Variants in CSRP1 observed in about 807,000 individuals in gnomAD.
CSRP1 encodes the protein cysteine and glycine-rich protein 1.
A neutral mutation model predicts 25.4 loss-of-function variants in CSRP1; 16 were observed. That is an observed-to-expected ratio of 0.63 (90% CI 0.43 to 0.96). The LOEUF is 0.96. CSRP1 is among the 40% of genes least tolerant of loss of function. The pLI is 0.00. For missense variants in CSRP1, 212 were observed against 243.6 expected (o/e 0.87, Z 0.86); for synonymous variants, 97 against 95.3 (o/e 1.02, Z -0.10).
intron 1 of CSRP1, among the ~76,000 whole-genome samples, chr1:201,504,240 C>G (rs1664748426): frequency 6.6e-6 from 1 of 152,350 alleles, no homozygotes; most frequent in East Asian, 1.9e-4. Flanking sequence ...AAGTTTCTTA[C>G]TACCTCTGAG....
At chr1:201,494,835 T>C (rs1664456840) in intron 2 of CSRP1, among the ~76,000 whole-genome samples, 1 of 152,224 alleles carries the variant, frequency 6.6e-6, no homozygotes, top group South Asian at 2.1e-4. Flanking sequence ...TGCGTGTGTG[T>C]GTGTGCGTGT....
intron 1 of CSRP1, among the ~76,000 whole-genome samples, chr1:201,497,483 C>A (rs967678823): frequency 6.6e-6 from 1 of 151,080 alleles, no homozygotes; most frequent in African/African-American, 2.4e-5. Flanking sequence ...TGAATTATAA[C>A]CTCTGAGAAT....
intron 2 of CSRP1, among the ~76,000 whole-genome samples, chr1:201,494,352 G>T (rs1415177696): frequency 6.6e-6 from 1 of 152,120 alleles, no homozygotes; most frequent in Non-Finnish European, 1.5e-5. Context: ...CAGCAGCCTA[G>T]ACCCCCTTCC....
At chr1:201,491,901 C>T (rs1664351343) in intron 2 of CSRP1, 2 of 152,288 alleles carry the variant, frequency 1.3e-5, no homozygotes, top group South Asian at 2.1e-4. Context: ...ATCCCTCTGC[C>T]AGCTCCTCTC....
intron 3 of CSRP1, 43 bp from the exon 4 acceptor site, chr1:201,489,027 G>C: frequency 6.2e-7 from 1 of 1,609,760 alleles, no homozygotes; most frequent in Non-Finnish European, 8.5e-7. Flanking sequence ...TACACTGTAA[G>C]TACAGGTGGG....
intron 1 of CSRP1, among the ~76,000 whole-genome samples, chr1:201,499,460 G>C (rs1310153337): frequency 6.6e-6 from 1 of 152,120 alleles, no homozygotes; most frequent in Non-Finnish European, 1.5e-5. Flanking sequence ...TGCTTGGGAA[G>C]CTCTTGTGAA....
intron 1 of CSRP1, among the ~76,000 whole-genome samples, chr1:201,502,028 T>TAAATAAAG (rs1553232871): frequency 7.8e-4 from 109 of 139,842 alleles, no homozygotes; most frequent in African/African-American, 2.7e-3. Flanking sequence ...AATAAATAAA[T>TAAATAAAG]AAAGTCTGGC....
intron 3 of CSRP1, 61 bp from the exon 4 acceptor site, chr1:201,489,045 C>A (rs2102405167): frequency 6.2e-7 from 1 of 1,602,452 alleles, no homozygotes; most frequent in African/African-American, 1.3e-5. Context: ...GGGGCTGGCA[C>A]TGAGAGGGCA....
chr1:201,487,125 CT>C (rs1395876865), intron 4 of CSRP1: 2 of 610,474 alleles, frequency 3.3e-6, no homozygotes, highest in African/African-American at 2.0e-5. Context: ...TTAAAACTGC[CT>C]TGTTGTTGGG....
chr1:201,499,933 T>C (rs1297074785), intron 1 of CSRP1, among the ~76,000 whole-genome samples: 2 of 152,170 alleles, frequency 1.3e-5, no homozygotes, highest in African/African-American at 4.8e-5. Context: ...CATCATCTCA[T>C]TTCATCCTCA....
intron 3 of CSRP1, chr1:201,489,874 A>G (rs1664274012): frequency 3.9e-6 from 1 of 258,474 alleles, no homozygotes; most frequent in African/African-American, 2.2e-5. Context: ...CCTTTCAAAA[A>G]AAAACAAAAA....
At chr1:201,490,110 A>G in intron 3 of CSRP1, 66 bp downstream of exon 3, 1 of 1,506,556 alleles carries the variant, frequency 6.6e-7, no homozygotes, top group Non-Finnish European at 9.0e-7. Context: ...GTAAATACAC[A>G]TGAGGCCTAA....
chr1:201,484,026 G>C lies in CSRP1; in HGVS notation c.*687C>G. 1 of 697,830 alleles carries C rather than the reference G, an allele frequency of 1.4e-6. No homozygotes were observed. Among genetic ancestry groups the C allele is most frequent in the East Asian group, 2.7e-5 (1 of 37,074 alleles). The allele number at this position is 697,830 out of a possible 1,614,324, so 43.2% of individuals were successfully genotyped here. Reference sequence around the variant, plus strand: ...CCATCAAGCAGGGAACTAGATGTTTGAGAAGATCAAACAACATCCTGACTT... The same window carrying C: ...CCATCAAGCAGGGAACTAGATGTTTCAGAAGATCAAACAACATCCTGACTT... On this transcript the variant is annotated 3_prime_UTR_variant, in exon 6 of 6. Transcript: ENST00000340006.
intron 2 of CSRP1, chr1:201,492,718 C>G (rs1229246799): frequency 2.0e-5 from 3 of 152,232 alleles, no homozygotes; most frequent in Non-Finnish European, 4.4e-5. Context: ...AAAACCGAGG[C>G]CCACAAAACA....
chr1:201,505,898 A>C (rs1342343882), intron 1 of CSRP1, among the ~76,000 whole-genome samples: 1 of 152,176 alleles, frequency 6.6e-6, no homozygotes, highest in Non-Finnish European at 1.5e-5. Context: ...AGAGGGAGAC[A>C]ACCAGCACCT....
At chr1:201,496,616 CT>C in intron 1 of CSRP1, 2 of 390,636 alleles carry the variant, frequency 5.1e-6, no homozygotes. Context: ...AAGGCTCCAG[CT>C]GCAATAAAAA....
intron 1 of CSRP1, among the ~76,000 whole-genome samples, chr1:201,499,206 C>G (rs1209080784): frequency 1.3e-5 from 2 of 152,204 alleles, no homozygotes; most frequent in East Asian, 3.9e-4. Flanking sequence ...GACAGTTAGA[C>G]AGGAACAGCA....
chr1:201,502,028 T>TAAATAAATAAATAAAG (rs1553232871), intron 1 of CSRP1, among the ~76,000 whole-genome samples: 2 of 139,842 alleles, frequency 1.4e-5, no homozygotes, highest in African/African-American at 5.1e-5. Context: ...AATAAATAAA[T>TAAATAAATAAATAAAG]AAAGTCTGGC....
intron 1 of CSRP1, 66 bp downstream of exon 1, chr1:201,507,004 G>C (rs1664846322): frequency 6.6e-6 from 1 of 152,226 alleles, no homozygotes; most frequent in Non-Finnish European, 1.5e-5. Context: ...AGACCGGGAG[G>C]CGCTGAGTGC....
Sources: gnomAD v4.1 joint callset for allele counts (sites outside exome capture counted in the v4.1 genomes callset) on GRCh38, gnomAD v4.1.1 for gene constraint, MANE v1.5 for transcripts, NCBI Gene and HGNC (gene_info 2026-07-23, HGNC 2026-07-21) for gene names.